PCDHGB5: variants seen among roughly 807,000 people sequenced by gnomAD.
PCDHGB5 encodes protocadherin gamma subfamily B, 5.
Under a neutral mutation model 62.9 loss-of-function variants are expected in PCDHGB5, and 48 were observed. The ratio of observed to expected loss-of-function variants is 0.76; its 90% CI spans 0.61 to 0.97. PCDHGB5 has a LOEUF of 0.97. Among genes scored for constraint, PCDHGB5 ranks in the 50% least tolerant of loss-of-function variants. The pLI is 0.00. For synonymous variants in PCDHGB5, 474 were observed against 511.2 expected (o/e 0.93, Z 0.98); for missense variants, 1,118 against 1,198.6 (o/e 0.93, Z 0.99).
intron 1 of PCDHGB5, chr5:141,423,369 A>C: frequency 1.9e-6 from 3 of 1,614,104 alleles, no homozygotes; most frequent in Non-Finnish European, 2.5e-6. Flanking sequence ...TGCTGCTGGC[A>C]CTCAGGCTGT....
At chr5:141,474,722 C>G (rs1562046141) in intron 1 of PCDHGB5, among the ~76,000 whole-genome samples, 1 of 152,216 alleles carries the variant, frequency 6.6e-6, no homozygotes, top group Non-Finnish European at 1.5e-5. Flanking sequence ...TTCAAAAGGA[C>G]TCTATGCAAT....
chr5:141,444,565 C>G (rs2098441175), intron 1 of PCDHGB5, among the ~76,000 whole-genome samples: 1 of 152,124 alleles, frequency 6.6e-6, no homozygotes, highest in Non-Finnish European at 1.5e-5. Flanking sequence ...TTATTTGACA[C>G]TTTTGACTCT....
At chr5:141,448,021 G>A (rs1376525971) in intron 1 of PCDHGB5, among the ~76,000 whole-genome samples, 2 of 152,050 alleles carry the variant, frequency 1.3e-5, no homozygotes, top group African/African-American at 4.8e-5. Context: ...AGGAGGTGGA[G>A]GTTGCAGTGA....
chr5:141,432,288 A>C lies in PCDHGB5; in HGVS notation c.2397+31764A>C. ...TCGTCCTACGTGTCCATCAACTCCG[A>C]CACTGGGGTACTGTATGCGCTGAGC... On this transcript the variant is annotated intron_variant, in intron 1 of 3. Coordinates refer to ENST00000617380, the MANE Select transcript of PCDHGB5 (RefSeq NM_018925.3). This position sits in a 1 kb window ranked among gnomAD's most constrained non-coding sequence, Gnocchi z 6.0. 1 of 1,614,192 alleles carries C rather than the reference A, an allele frequency of 6.2e-7. No individual in the cohort carries two copies. Among genetic ancestry groups the C allele is most frequent in the Non-Finnish European group, 8.5e-7 (1 of 1,180,018 alleles).
intron 1 of PCDHGB5, among the ~76,000 whole-genome samples, chr5:141,468,079 C>A (rs2099157359): frequency 6.6e-6 from 1 of 151,986 alleles, no homozygotes; most frequent in African/African-American, 2.4e-5. Context: ...AATCCCAGCA[C>A]TTTGGGAGGT....
At chr5:141,419,254 C>A in intron 1 of PCDHGB5, 1 of 1,614,020 alleles carries the variant, frequency 6.2e-7, no homozygotes, top group Non-Finnish European at 8.5e-7. Context: ...CAGAAAACAA[C>A]CAGCCGGGTG....
Position 141,491,300 on chromosome 5 carries a change from G to A in PCDHGB5, c.2398-3507G>A, listed in dbSNP as rs2099710472. On this transcript the variant is annotated intron_variant, in intron 1 of 3. Coordinates refer to ENST00000617380, the MANE Select transcript of PCDHGB5 (RefSeq NM_018925.3). This position sits in a 1 kb window ranked among gnomAD's most constrained non-coding sequence, Gnocchi z 6.9. ...GACTTCCTCATACACCCTCCTGAGC[G>A]TTCAGACCTTACCCTTTACCTCATT... 1 of 1,614,136 alleles carries A rather than the reference G, an allele frequency of 6.2e-7. No homozygotes were observed. The highest frequency in any genetic ancestry group is 1.1e-5 in the South Asian group (1 of 91,086).
intron 2 of PCDHGB5, among the ~76,000 whole-genome samples, chr5:141,500,189 TTTATTTATTTA>T (rs1562193895): frequency 9.9e-5 from 11 of 110,956 alleles, no homozygotes; most frequent in Middle Eastern, 4.3e-3. Flanking sequence ...TTTATTTTTA[TTTATTTATTTA>T]TTTATTTATT....
In PCDHGB5 at chr5:141,434,786, T is replaced by A. The variant is rs867453805; in HGVS notation, c.2397+34262T>A. ...TTCACACTTCTAAAAAAAAAAAAAT[T>A]TTTTTTTCTGAGCTTGGAGAAATAT... On this transcript the variant is annotated intron_variant, in intron 1 of 3. Coordinates refer to ENST00000617380, the MANE Select transcript of PCDHGB5 (RefSeq NM_018925.3). 6.8e-4 allele frequency among the ~76,000 whole-genome samples: 102 copies of A among 150,682 alleles called. 1 individual carries two copies. The highest frequency in any genetic ancestry group is 1.8e-3 in the African/African-American group (72 of 40,898).
intron 1 of PCDHGB5, among the ~76,000 whole-genome samples, chr5:141,450,485 TTGTC>T (rs1466269978): frequency 1.3e-5 from 2 of 152,158 alleles, no homozygotes; most frequent in African/African-American, 2.4e-5. Flanking sequence ...GTTTGTTTGT[TTGTC>T]TGTTTGTTTG....
At chr5:141,447,657 C>A (rs997179275) in intron 1 of PCDHGB5, among the ~76,000 whole-genome samples, 4 of 152,088 alleles carry the variant, frequency 2.6e-5, no homozygotes, top group Non-Finnish European at 4.4e-5. Context: ...TTTTCCCCCC[C>A]AGGAAGTTAG....
Position 141,477,626 on chromosome 5 carries a change from G to C in PCDHGB5, c.2398-17181G>C. The C allele has an allele frequency of 1.2e-6, 2 of 1,614,170 alleles. No homozygotes were observed. Among genetic ancestry groups the C allele is most frequent in the Non-Finnish European group, 1.7e-6 (2 of 1,180,036 alleles). ...TCTCTTGGAGCAAGGAGCTGAAACCGGGCTAGTGGGTCGCTATTTCACAAT... is the reference window on the plus strand; with the variant it reads ...TCTCTTGGAGCAAGGAGCTGAAACCCGGCTAGTGGGTCGCTATTTCACAAT... On this transcript the variant is annotated intron_variant, in intron 1 of 3. Transcript: ENST00000617380. The surrounding 1 kb of genome is among the most constrained non-coding windows in gnomAD (Gnocchi z 4.9).
chr5:141,440,793 C>T (rs1448130354), intron 1 of PCDHGB5: 1 of 152,124 alleles, frequency 6.6e-6, no homozygotes, highest in Non-Finnish European at 1.5e-5. Context: ...TAGACGGCCC[C>T]CCAACAAAGC....
chr5:141,408,743 A>G (rs764671808), intron 1 of PCDHGB5: 13 of 1,610,030 alleles, frequency 8.1e-6, no homozygotes, highest in African/African-American at 2.7e-5. Flanking sequence ...TTTTTCATTA[A>G]TGGTTAGAGT....
At position 141,491,099 on chromosome 5, in the gene PCDHGB5, T is replaced by C. The variant is rs1352561414; in HGVS notation, c.2398-3708T>C. 1 of 1,614,176 alleles carries C rather than the reference T, an allele frequency of 6.2e-7. No homozygotes were observed. ...CAGTCCACAGCCCCAGGACTGTTCC[T>C]CGTGTCTACACACACTGGTGAGGTG... On this transcript the variant is annotated intron_variant, in intron 1 of 3. Coordinates refer to ENST00000617380, the MANE Select transcript of PCDHGB5 (RefSeq NM_018925.3). The surrounding 1 kb of genome is among the most constrained non-coding windows in gnomAD (Gnocchi z 6.9).
chr5:141,502,179 A>G (rs1403845758), intron 2 of PCDHGB5, among the ~76,000 whole-genome samples: 2 of 152,218 alleles, frequency 1.3e-5, no homozygotes, highest in Non-Finnish European at 2.9e-5. Context: ...GGAATTTAAC[A>G]TTAATACAAT....
intron 1 of PCDHGB5, chr5:141,415,069 A>G (rs1323441877): frequency 1.1e-5 from 18 of 1,613,420 alleles, no homozygotes; most frequent in Non-Finnish European, 1.5e-5. Flanking sequence ...CGAGGTGCGC[A>G]CGGCGCGAGC....
intron 1 of PCDHGB5, chr5:141,403,959 C>T (rs1415465011): frequency 2.5e-6 from 4 of 1,613,568 alleles, no homozygotes; most frequent in Non-Finnish European, 3.4e-6. Context: ...GTGCTCATTT[C>T]GGTGGAAGAT....
chr5:141,500,688 T>C (rs2099802014), intron 2 of PCDHGB5, among the ~76,000 whole-genome samples: 1 of 152,224 alleles, frequency 6.6e-6, no homozygotes, highest in Non-Finnish European at 1.5e-5. Flanking sequence ...TATAGCTTTT[T>C]TCTTCTTTGC....
Sources: allele counts gnomAD v4.1 joint callset (sites outside exome capture counted in the v4.1 genomes callset), GRCh38; gene constraint gnomAD v4.1.1; non-coding constraint Gnocchi (gnomAD v3.1); transcripts MANE v1.5; gene names NCBI Gene and HGNC (gene_info 2026-07-23, HGNC 2026-07-21).